COTL1: variants seen among roughly 807,000 people sequenced by gnomAD.
COTL1 encodes coactosin like F-actin binding protein 1, also known as coactosin-like protein.
A neutral mutation model predicts 16.5 loss-of-function variants in COTL1; 15 were observed. The observed-to-expected ratio is 0.91, with a 90% CI of 0.61 to 1.40. The LOEUF (loss-of-function observed/expected upper bound fraction) is 1.40. Ranked by LOEUF, COTL1 falls within the 40% of genes most tolerant of loss-of-function variation. The pLI is 0.00. For missense variants in COTL1, 220 were observed against 201.5 expected, an observed-to-expected ratio of 1.09 and a Z score of -0.56; for synonymous variants, 112 against 85.3, an observed-to-expected ratio of 1.31 and a Z score of -1.73.
intron 3 of COTL1, among the ~76,000 whole-genome samples, chr16:84,579,841 C>G (rs1904540164): frequency 6.6e-6 from 1 of 152,248 alleles, no homozygotes. Context: ...GAAAGACACT[C>G]ATACACAGGG....
At chr16:84,591,012 T>A (rs1384694107) in intron 2 of COTL1, among the ~76,000 whole-genome samples, 2 of 152,210 alleles carry the variant, frequency 1.3e-5, no homozygotes, top group Non-Finnish European at 2.9e-5. Flanking sequence ...ATAGTCATTT[T>A]TATTAAAATG....
At chr16:84,611,917 G>C (rs1432460171) in intron 2 of COTL1, among the ~76,000 whole-genome samples, 1 of 152,042 alleles carries the variant, frequency 6.6e-6, no homozygotes, top group African/African-American at 2.4e-5. Context: ...AACCGGTCTG[G>C]CAAATGGCCC....
intron 2 of COTL1, among the ~76,000 whole-genome samples, chr16:84,591,877 T>TAAAATAAAATAAAATAAAATAAAAA (rs1399606488): frequency 1.0e-5 from 1 of 96,632 alleles, no homozygotes. Flanking sequence ...TAAAATAAAA[T>TAAAATAAAATAAAATAAAATAAAAA]AAAAATATGT....
chr16:84,607,988 C>A (rs765996708), intron 2 of COTL1, among the ~76,000 whole-genome samples: 7 of 152,156 alleles, frequency 4.6e-5, no homozygotes, highest in Non-Finnish European at 7.4e-5. Context: ...GCAAGTCTAG[C>A]CACGCAGAAG....
At chr16:84,614,268 G>A (rs182473720) in intron 2 of COTL1, among the ~76,000 whole-genome samples, 405 of 152,364 alleles carry the variant, frequency 2.7e-3, no homozygotes, top group African/African-American at 8.8e-3. Context: ...GGCAGGCAGC[G>A]AGGAAGGCCG....
intron 2 of COTL1, among the ~76,000 whole-genome samples, chr16:84,605,425 A>G (rs1378793539): frequency 2.0e-5 from 3 of 152,216 alleles, no homozygotes; most frequent in Non-Finnish European, 4.4e-5. Context: ...TAAGACATCT[A>G]TGTCCTAAAC....
At chr16:84,610,016 T>C (rs1905288232) in intron 2 of COTL1, among the ~76,000 whole-genome samples, 1 of 152,180 alleles carries the variant, frequency 6.6e-6, no homozygotes, top group Non-Finnish European at 1.5e-5. Flanking sequence ...AGGGTTGGTG[T>C]GGGGGTAGGA....
In COTL1 at chr16:84,579,991, G is replaced by A. The variant is rs147040215; in HGVS notation, c.318+10114C>T. Among the ~76,000 whole-genome samples the A allele has an allele frequency of 1.3e-4, 20 of 152,338 alleles. No homozygotes were observed. The East Asian group carries it at 3.7e-3, about 28-fold the overall frequency. On this transcript the variant is annotated intron_variant, in intron 3 of 3. Coordinates refer to ENST00000262428, the MANE Select transcript of COTL1 (RefSeq NM_021149.5). Reference sequence around the variant, plus strand: ...GAATGCTGCATCCTCACGGCACAGCGACTGTATACCGTGCTAGCGACTGTG... The same window carrying A: ...GAATGCTGCATCCTCACGGCACAGCAACTGTATACCGTGCTAGCGACTGTG...
At chr16:84,572,488 T>A (rs1394696344) in intron 3 of COTL1, among the ~76,000 whole-genome samples, 4 of 152,120 alleles carry the variant, frequency 2.6e-5, no homozygotes, top group Non-Finnish European at 5.9e-5. Context: ...TGAAACACAG[T>A]CTCACTCTGT....
At chr16:84,609,106 G>A (rs1352178846) in intron 2 of COTL1, among the ~76,000 whole-genome samples, 1 of 151,956 alleles carries the variant, frequency 6.6e-6, no homozygotes, top group Admixed American at 6.6e-5. Flanking sequence ...TTCCCTTCTC[G>A]CCCAAATTTC....
At chr16:84,595,135 T>C (rs916959708) in intron 2 of COTL1, 2 of 152,158 alleles carry the variant, frequency 1.3e-5, no homozygotes, top group African/African-American at 4.8e-5. Context: ...AATAAGTAAG[T>C]TACACCCACA....
In COTL1 at chr16:84,588,317, CT is replaced by C. The variant is rs1904782108; in HGVS notation, c.318+1787del. Among the ~76,000 whole-genome samples the C allele has an allele frequency of 3.3e-5, 5 of 152,144 alleles. No homozygotes were observed. In the South Asian group the frequency reaches 1.0e-3, roughly 32 times the overall value. ...CACCGAGTTTCCATATTACCTTCCT[CT>C]TAACACACACATACATATTTCACTA... On this transcript the variant is annotated intron_variant, in intron 3 of 3. Transcript: ENST00000262428.
intron 2 of COTL1, among the ~76,000 whole-genome samples, chr16:84,601,265 T>A (rs1309163200): frequency 6.6e-6 from 1 of 152,062 alleles, no homozygotes; most frequent in Non-Finnish European, 1.5e-5. Flanking sequence ...GAAAATGCAA[T>A]CCCTACCTTC....
At position 84,578,891 on chromosome 16, in the gene COTL1, G is replaced by T. The variant is rs111210010; in HGVS notation, c.318+11214C>A. Among the ~76,000 whole-genome samples, 4 of 148,876 alleles carry T rather than the reference G, an allele frequency of 2.7e-5. 1 individual carries two copies. Among genetic ancestry groups the T allele is most frequent in the South Asian group, 4.3e-4 (2 of 4,634 alleles). Reference sequence around the variant, plus strand: ...CATGCAGGCATGCATACACACAGACGCATGCACACACAGACACATGCATGC... The same window carrying T: ...CATGCAGGCATGCATACACACAGACTCATGCACACACAGACACATGCATGC... On this transcript the variant is annotated intron_variant, in intron 3 of 3. Coordinates refer to ENST00000262428, the MANE Select transcript of COTL1 (RefSeq NM_021149.5).
At chr16:84,571,328 C>G (rs1209519300) in intron 3 of COTL1, among the ~76,000 whole-genome samples, 2 of 152,206 alleles carry the variant, frequency 1.3e-5, no homozygotes, top group East Asian at 3.9e-4. Context: ...TCCGGGCTCC[C>G]TCTGGGCCTT....
chr16:84,589,567 C>A (rs1170071674), intron 3 of COTL1, among the ~76,000 whole-genome samples: 1 of 151,802 alleles, frequency 6.6e-6, no homozygotes, highest in Non-Finnish European at 1.5e-5. Flanking sequence ...CCCGGGGTTA[C>A]CTTTTGGAGT....
chr16:84,574,747 C>G (rs1458464339), intron 3 of COTL1, among the ~76,000 whole-genome samples: 2 of 152,068 alleles, frequency 1.3e-5, no homozygotes, highest in Admixed American at 6.6e-5. Context: ...CCACGCCTGG[C>G]TAATTTTTGT....
chr16:84,583,226 C>A (rs1161620016), intron 3 of COTL1, among the ~76,000 whole-genome samples: 2 of 152,178 alleles, frequency 1.3e-5, no homozygotes, highest in African/African-American at 2.4e-5. Flanking sequence ...GGATCCCAAG[C>A]TCCTCATCTA....
At chr16:84,615,869 G>A (rs1355239100) in intron 2 of COTL1, 1 of 151,472 alleles carries the variant, frequency 6.6e-6, no homozygotes, top group Non-Finnish European at 1.5e-5. Flanking sequence ...GTGTGTGTGT[G>A]TGTGTGTGCG....
Sources: gnomAD v4.1 joint callset for allele counts (sites outside exome capture counted in the v4.1 genomes callset) on GRCh38, gnomAD v4.1.1 for gene constraint, MANE v1.5 for transcripts, NCBI Gene and HGNC (gene_info 2026-07-23, HGNC 2026-07-21) for gene names.